The following SEMA3A variants were observed in gnomAD, a reference collection of about 807,000 sequenced individuals.
SEMA3A encodes semaphorin 3A.
A neutral mutation model predicts 97.9 loss-of-function variants in SEMA3A; 29 were observed. The observed-to-expected ratio is 0.30, with a 90% CI of 0.22 to 0.40. The LOEUF is 0.40. Ranked by LOEUF, SEMA3A falls within the 10% of genes least tolerant of loss-of-function variation. The pLI, the probability that SEMA3A is intolerant of heterozygous loss-of-function variation, is 1.00. For missense variants in SEMA3A, 763 were observed against 951.3 expected, an observed-to-expected ratio of 0.80 and a Z score of 2.60; for synonymous variants, 321 against 323.7, an observed-to-expected ratio of 0.99 and a Z score of 0.09.
intron 4 of SEMA3A, among the ~76,000 whole-genome samples, chr7:84,066,496 C>G (rs965355832): frequency 4.1e-5 from 6 of 146,268 alleles, no homozygotes; most frequent in South Asian, 2.2e-4. Flanking sequence ...TGTTTGCAGA[C>G]GACATGATCG....
At chr7:84,371,152 G>C (rs952272207) in intron 2 of SEMA3A, among the ~76,000 whole-genome samples, 1 of 151,674 alleles carries the variant, frequency 6.6e-6, no homozygotes. Context: ...TATTAGGTTT[G>C]TGCAAATAGA....
intron 1 of SEMA3A, among the ~76,000 whole-genome samples, chr7:84,393,581 A>G (rs1263937363): frequency 6.6e-6 from 1 of 152,166 alleles, no homozygotes; most frequent in African/African-American, 2.4e-5. Flanking sequence ...ATTACAAATT[A>G]AGTTATGGTG....
intron 3 of SEMA3A, among the ~76,000 whole-genome samples, chr7:84,119,826 T>G (rs1322682584): frequency 1.3e-5 from 2 of 152,154 alleles, no homozygotes; most frequent in Admixed American, 1.3e-4. Context: ...TCTTTTTTCC[T>G]GAAGGAACTG....
intron 1 of SEMA3A, among the ~76,000 whole-genome samples, chr7:84,440,008 G>A (rs1374491202): frequency 6.6e-6 from 1 of 152,116 alleles, no homozygotes. Context: ...TGATATAGAA[G>A]TAAACAAATA....
intron 3 of SEMA3A, among the ~76,000 whole-genome samples, chr7:84,230,801 A>G (rs1799099777): frequency 6.6e-6 from 1 of 151,924 alleles, no homozygotes; most frequent in African/African-American, 2.4e-5. Flanking sequence ...ACTCTATTAC[A>G]CAATGTTTTT....
intron 1 of SEMA3A, among the ~76,000 whole-genome samples, chr7:84,174,261 C>T (rs1488188919): frequency 6.6e-6 from 1 of 152,154 alleles, no homozygotes; most frequent in Non-Finnish European, 1.5e-5. Flanking sequence ...AAATGGGTCC[C>T]TGGTGCCAAA....
intron 1 of SEMA3A, among the ~76,000 whole-genome samples, chr7:84,189,982 C>A (rs550602944): frequency 1.2e-3 from 179 of 151,660 alleles, no homozygotes; most frequent in Admixed American, 2.3e-3. Context: ...AAATCAGTCA[C>A]ATGAAGAGAA....
chr7:83,968,913 C>T (rs192668295), intron 15 of SEMA3A, among the ~76,000 whole-genome samples: 3,871 of 141,456 alleles, frequency 0.027, 97 homozygotes, highest in Middle Eastern at 0.056. Flanking sequence ...CAGGTTCAAA[C>T]AATTCTCCTG....
chr7:84,074,873 TATAATTGTTTA>T (rs1793880819), intron 4 of SEMA3A, among the ~76,000 whole-genome samples: 1 of 152,082 alleles, frequency 6.6e-6, no homozygotes, highest in African/African-American at 2.4e-5. Context: ...ACAAAGCAAC[TATAATTGTTTA>T]ATAATTGTTT....
intron 1 of SEMA3A, among the ~76,000 whole-genome samples, chr7:84,451,624 T>C (rs1448854089): frequency 6.6e-6 from 1 of 152,194 alleles, no homozygotes; most frequent in Non-Finnish European, 1.5e-5. Context: ...TTATAAAGCC[T>C]CTACAAACTT....
intron 1 of SEMA3A, among the ~76,000 whole-genome samples, chr7:84,428,185 G>A (rs112420496): frequency 6.3e-4 from 96 of 152,152 alleles, no homozygotes; most frequent in African/African-American, 2.2e-3. Context: ...AAATCTGTAA[G>A]CTCATAGATA....
chr7:84,049,847 A>G, intron 5 of SEMA3A, among the ~76,000 whole-genome samples: 3 of 141,248 alleles, frequency 2.1e-5, no homozygotes, highest in Non-Finnish European at 4.6e-5. Flanking sequence ...TATATCTCCC[A>G]ATGCTATCCC....
At chr7:84,388,327 T>G (rs1287494693) in intron 1 of SEMA3A, among the ~76,000 whole-genome samples, 2 of 152,062 alleles carry the variant, frequency 1.3e-5, no homozygotes, top group African/African-American at 2.4e-5. Flanking sequence ...TATACTTCTT[T>G]TTAAAGAGGG....
chr7:84,360,079 C>A (rs1802675076), intron 2 of SEMA3A, among the ~76,000 whole-genome samples: 1 of 151,394 alleles, frequency 6.6e-6, no homozygotes, highest in Non-Finnish European at 1.5e-5. Flanking sequence ...TTGATCTTTT[C>A]AAAAAACCAG....
chr7:83,972,786 A>T (rs1788971800), intron 15 of SEMA3A, among the ~76,000 whole-genome samples: 1 of 152,152 alleles, frequency 6.6e-6, no homozygotes, highest in Non-Finnish European at 1.5e-5. Context: ...AATGGAGAAT[A>T]ATGATACGCA....
At chr7:84,150,922 G>A (rs991237846) in intron 1 of SEMA3A, among the ~76,000 whole-genome samples, 1 of 150,164 alleles carries the variant, frequency 6.7e-6, no homozygotes, top group African/African-American at 2.4e-5. Context: ...CCTCAAGTGG[G>A]TCCCTGACCC....
In SEMA3A at chr7:84,305,300, A is replaced by T. The variant is rs1404573045; in HGVS notation, c.-83+1907T>A. 4.6e-5 allele frequency among the ~76,000 whole-genome samples: 7 copies of T among 151,748 alleles called. No homozygotes were observed. In the East Asian group the frequency reaches 1.2e-3, roughly 25 times the overall value. On this transcript the variant is annotated intron_variant, in intron 3 of 3. Coordinates refer to the SEMA3A transcript ENST00000424555. ...AAGGTCTGATAGTCCCCAATTTGAG[A>T]TGACCAGATATTTTCCAACCAATTG... is the stretch of plus-strand genomic sequence containing the variant.
intron 1 of SEMA3A, among the ~76,000 whole-genome samples, chr7:84,476,428 A>G (rs539748601): frequency 5.5e-4 from 84 of 152,186 alleles, no homozygotes; most frequent in African/African-American, 1.9e-3. Context: ...TGTAGAGCCA[A>G]ACACCCATAT....
chr7:84,489,256 TG>T (rs1205562399), intron 1 of SEMA3A: 2 of 151,988 alleles, frequency 1.3e-5, no homozygotes, highest in Non-Finnish European at 2.9e-5. Flanking sequence ...GAGAGCAGCA[TG>T]GGGGAAACCG....
Sources: gnomAD v4.1 joint callset for allele counts (sites outside exome capture counted in the v4.1 genomes callset) on GRCh38, gnomAD v4.1.1 for gene constraint, MANE v1.5 for transcripts, NCBI Gene and HGNC (gene_info 2026-07-23, HGNC 2026-07-21) for gene names.